Variants in MLLT3 observed in about 807,000 individuals in gnomAD.
The protein encoded by MLLT3 is MLLT3 super elongation complex subunit.
Under a neutral mutation model 53.2 loss-of-function variants are expected in MLLT3, and 4 were observed. The observed-to-expected ratio is 0.08, with a 90% CI of 0.04 to 0.17. The LOEUF (loss-of-function observed/expected upper bound fraction) is 0.17, where lower values mean the gene tolerates loss of function less well. Among genes scored for constraint, MLLT3 ranks in the 10% least tolerant of loss-of-function variants. The pLI is 1.00. For missense variants in MLLT3, 569 were observed against 684.0 expected, an observed-to-expected ratio of 0.83 and a Z score of 1.87; for synonymous variants, 283 against 230.6, an observed-to-expected ratio of 1.23 and a Z score of -2.06.
chr9:20,544,831 TC>T (rs1444944520), intron 2 of MLLT3, among the ~76,000 whole-genome samples: 1 of 152,128 alleles, frequency 6.6e-6, no homozygotes, highest in Non-Finnish European at 1.5e-5. Context: ...ATGCCTATAA[TC>T]CCACCACTCT....
intron 4 of MLLT3, among the ~76,000 whole-genome samples, chr9:20,436,757 A>G (rs1476602225): frequency 6.6e-6 from 1 of 152,162 alleles, no homozygotes; most frequent in East Asian, 1.9e-4. Flanking sequence ...TTGACCTATT[A>G]TATCAAAGAA....
intron 2 of MLLT3, among the ~76,000 whole-genome samples, chr9:20,524,844 T>C (rs1818158161): frequency 6.6e-6 from 1 of 152,142 alleles, no homozygotes; most frequent in Admixed American, 6.5e-5. Context: ...CACAAATGTA[T>C]TCCCAAAGGA....
At chr9:20,350,331 C>G (rs554650430) in intron 10 of MLLT3, among the ~76,000 whole-genome samples, 1 of 152,278 alleles carries the variant, frequency 6.6e-6, no homozygotes, top group Admixed American at 6.5e-5. Flanking sequence ...CGCGGTGGCT[C>G]ACGCCTGTAA....
At chr9:20,358,578 C>T (rs1821232915) in intron 8 of MLLT3, among the ~76,000 whole-genome samples, 1 of 152,190 alleles carries the variant, frequency 6.6e-6, no homozygotes. Context: ...CTAAACCTTT[C>T]CCTAAAGCCA....
At chr9:20,465,058 T>A (rs1024493403) in intron 2 of MLLT3, among the ~76,000 whole-genome samples, 5 of 152,074 alleles carry the variant, frequency 3.3e-5, no homozygotes, top group African/African-American at 9.7e-5. Flanking sequence ...AATCTGTCCC[T>A]TGAAATTTCA....
At chr9:20,491,326 A>G (rs1824941711) in intron 2 of MLLT3, among the ~76,000 whole-genome samples, 3 of 152,136 alleles carry the variant, frequency 2.0e-5, no homozygotes, top group Admixed American at 6.5e-5. Flanking sequence ...ATTTTTAAAA[A>G]CCATGTGAGA....
chr9:20,407,396 T>A (rs1822609656), intron 5 of MLLT3, among the ~76,000 whole-genome samples: 1 of 152,190 alleles, frequency 6.6e-6, no homozygotes, highest in Non-Finnish European at 1.5e-5. Context: ...TAGAGGCTCC[T>A]GGATGTTTCA....
chr9:20,500,826 G>A (rs1825204584), intron 2 of MLLT3, among the ~76,000 whole-genome samples: 1 of 152,164 alleles, frequency 6.6e-6, no homozygotes, highest in East Asian at 1.9e-4. Context: ...GAAACTAATA[G>A]CAATCTCTTG....
intron 2 of MLLT3, among the ~76,000 whole-genome samples, chr9:20,483,832 C>T (rs1196177139): frequency 6.6e-6 from 1 of 151,204 alleles, no homozygotes; most frequent in Non-Finnish European, 1.5e-5. Flanking sequence ...CTCAGCCTCC[C>T]GAGTAGCTGG....
At chr9:20,411,655 T>C (rs1822731209) in intron 5 of MLLT3, among the ~76,000 whole-genome samples, 1 of 152,220 alleles carries the variant, frequency 6.6e-6, no homozygotes, top group Non-Finnish European at 1.5e-5. Context: ...ACTGTAAAGT[T>C]TTCCAATTCT....
chr9:20,372,081 G>C (rs1381574262), intron 5 of MLLT3, among the ~76,000 whole-genome samples: 1 of 152,190 alleles, frequency 6.6e-6, no homozygotes, highest in African/African-American at 2.4e-5. Context: ...ATTAGAAGTG[G>C]AGTCTGAAGA....
chr9:20,564,898 T>C (rs1384088346), intron 2 of MLLT3, among the ~76,000 whole-genome samples: 3 of 152,106 alleles, frequency 2.0e-5, no homozygotes, highest in Admixed American at 6.6e-5. Flanking sequence ...AAGGCAAATG[T>C]TTTGTAGTCA....
intron 2 of MLLT3, among the ~76,000 whole-genome samples, chr9:20,554,953 G>C (rs1819017244): frequency 6.6e-6 from 1 of 152,240 alleles, no homozygotes; most frequent in Non-Finnish European, 1.5e-5. Context: ...ACGGTGGAAA[G>C]AGAATTTAAG....
At chr9:20,578,654 G>A (rs535861593) in intron 2 of MLLT3, among the ~76,000 whole-genome samples, 4 of 152,036 alleles carry the variant, frequency 2.6e-5, no homozygotes, top group Non-Finnish European at 4.4e-5. Flanking sequence ...GTGCAACTGA[G>A]GACCTGCATT....
chr9:20,406,032 A>C (rs919189271), intron 5 of MLLT3, among the ~76,000 whole-genome samples: 31 of 152,212 alleles, frequency 2.0e-4, no homozygotes, highest in African/African-American at 7.0e-4. Flanking sequence ...GAATCGCTTG[A>C]ACCTAGGAGG....
At chr9:20,613,177 G>C (rs563948923) in intron 2 of MLLT3, among the ~76,000 whole-genome samples, 1 of 152,228 alleles carries the variant, frequency 6.6e-6, no homozygotes, top group South Asian at 2.1e-4. Flanking sequence ...AGATGCAAAT[G>C]TATTCACTCA....
chr9:20,402,129 A>T lies in MLLT3; in HGVS notation c.1125+11592T>A, dbSNP rs1439025310. Among the ~76,000 whole-genome samples, 3 of 152,238 alleles carry T rather than the reference A, an allele frequency of 2.0e-5. No homozygotes were observed. In the East Asian group the frequency reaches 5.8e-4, roughly 29 times the overall value. The stretch of plus-strand genomic sequence containing the variant: ...CACACAGAGTGAGATCAAGGTAGGT[A>T]TAACAGAGTCAAGGAATCAAGCAAA... On this transcript the variant is annotated intron_variant, in intron 5 of 10. Coordinates refer to ENST00000380338, the MANE Select transcript of MLLT3 (RefSeq NM_004529.4).
chr9:20,433,910 C>G (rs535366276), intron 4 of MLLT3, among the ~76,000 whole-genome samples: 63 of 150,642 alleles, frequency 4.2e-4, no homozygotes, highest in African/African-American at 1.4e-3. Context: ...GTCAAGAGAT[C>G]GAGACCATAC....
intron 2 of MLLT3, among the ~76,000 whole-genome samples, chr9:20,509,145 A>G (rs1315611911): frequency 1.3e-5 from 2 of 152,030 alleles, no homozygotes; most frequent in African/African-American, 4.8e-5. Flanking sequence ...AGATCTAATG[A>G]ACTCCAGTTC....
Sources: allele counts gnomAD v4.1 joint callset (sites outside exome capture counted in the v4.1 genomes callset), GRCh38; gene constraint gnomAD v4.1.1; transcripts MANE v1.5; gene names NCBI Gene and HGNC (gene_info 2026-07-23, HGNC 2026-07-21).